Variants in GRID1 observed in about 807,000 individuals in gnomAD.
The protein encoded by GRID1 is glutamate ionotropic receptor delta type subunit 1, also known as glutamate receptor ionotropic, delta-1.
GRID1 carries 28 observed loss-of-function variants against 98.0 expected under a neutral mutation model. The observed-to-expected ratio is 0.29, with a 90% confidence interval of 0.21 to 0.39. The LOEUF (loss-of-function observed/expected upper bound fraction) is 0.39, where lower values mean the gene tolerates loss of function less well. Among genes scored for constraint, GRID1 ranks in the 10% least tolerant of loss-of-function variants. GRID1 has a pLI of 1.00. For missense variants in GRID1, 1,111 were observed against 1,340.5 expected, an observed-to-expected ratio of 0.83 and a Z score of 2.67; for synonymous variants, 553 against 538.5, an observed-to-expected ratio of 1.03 and a Z score of -0.37.
chr10:86,023,121 C>A (rs1843071686), intron 4 of GRID1, among the ~76,000 whole-genome samples: 1 of 152,048 alleles, frequency 6.6e-6, no homozygotes. Flanking sequence ...ACGCTGCCAC[C>A]TGCCACTCTG....
chr10:86,102,583 T>C (rs145921458), intron 4 of GRID1, among the ~76,000 whole-genome samples: 1,826 of 152,308 alleles, frequency 0.012, 43 homozygotes, highest in African/African-American at 0.04. Flanking sequence ...AGAATAATCA[T>C]TCTTCCTCTA....
In GRID1 at chr10:85,613,550, G is replaced by C. The variant is rs1390139205; in HGVS notation, c.2458C>G (p.Gln820Glu). The C allele has an allele frequency of 6.2e-7, 1 of 1,614,082 alleles. No individual in the cohort carries two copies. Among genetic ancestry groups the C allele is most frequent in the Non-Finnish European group, 8.5e-7 (1 of 1,180,048 alleles). Reference sequence around the variant, plus strand: ...AGCTTGAGGGATTTGCCGTCGGCCTGGGCGCTGGCATGGCTGGTGAGGTCA... The same window carrying C: ...AGCTTGAGGGATTTGCCGTCGGCCTCGGCGCTGGCATGGCTGGTGAGGTCA... ...RCDLTSHASA[Q>E]ADGKSLKLHS... Residue 820 changes from glutamine to glutamate, a missense_variant, in exon 15 of 16, where the codon CAG (glutamine) becomes GAG (glutamate). Coordinates refer to ENST00000327946, the MANE Select transcript of GRID1 (RefSeq NM_017551.3).
chr10:85,733,829 G>A (rs550207088), intron 8 of GRID1, among the ~76,000 whole-genome samples: 31 of 152,190 alleles, frequency 2.0e-4, no homozygotes, highest in Non-Finnish European at 4.1e-4. Flanking sequence ...TGGTAAAAAC[G>A]GGAGAAGACA....
At chr10:85,660,551 G>A (rs1267942445) in intron 12 of GRID1, among the ~76,000 whole-genome samples, 2 of 151,914 alleles carry the variant, frequency 1.3e-5, no homozygotes, top group Admixed American at 1.3e-4. Context: ...TGGGAGGTAA[G>A]GTGAATTCCC....
chr10:85,811,002 T>G (rs186917085), intron 8 of GRID1, among the ~76,000 whole-genome samples: 76 of 152,254 alleles, frequency 5.0e-4, no homozygotes, highest in African/African-American at 1.6e-3. Flanking sequence ...AGCCCTCAAG[T>G]TGGCTGATCC....
At chr10:86,016,987 G>A (rs1172610022) in intron 4 of GRID1, among the ~76,000 whole-genome samples, 1 of 152,202 alleles carries the variant, frequency 6.6e-6, no homozygotes, top group African/African-American at 2.4e-5. Context: ...GAGTGCTGTT[G>A]TGTGCCAATC....
At chr10:86,231,097 G>A (rs910853684) in intron 2 of GRID1, among the ~76,000 whole-genome samples, 6 of 152,190 alleles carry the variant, frequency 3.9e-5, no homozygotes, top group South Asian at 4.1e-4. Flanking sequence ...GGCCAGGGAC[G>A]GAGGGAGAAC....
intron 12 of GRID1, among the ~76,000 whole-genome samples, chr10:85,692,931 G>A (rs1841350071): frequency 6.6e-6 from 1 of 152,172 alleles, no homozygotes; most frequent in Non-Finnish European, 1.5e-5. Context: ...CTGTAAAGGT[G>A]GCTATGATCA....
At chr10:85,686,528 C>A (rs1489199460) in intron 12 of GRID1, among the ~76,000 whole-genome samples, 1 of 152,086 alleles carries the variant, frequency 6.6e-6, no homozygotes, top group African/African-American at 2.4e-5. Flanking sequence ...AATAAATGGA[C>A]TAGTCCTATA....
chr10:86,331,870 C>T lies in GRID1; in HGVS notation c.235+32071G>A, dbSNP rs146715125. Reference sequence around the variant, plus strand: ...TATTCTCCAGTGATGAGCATCCAGCCGCTGTCTCTGCCAGGTCAGACTGGG... The same window carrying T: ...TATTCTCCAGTGATGAGCATCCAGCTGCTGTCTCTGCCAGGTCAGACTGGG... On this transcript the variant is annotated intron_variant, in intron 2 of 15. Transcript: ENST00000327946. Among the ~76,000 whole-genome samples, 596 of 152,178 alleles carry T rather than the reference C, an allele frequency of 3.9e-3. 4 individuals carry two copies. The highest frequency in any genetic ancestry group is 4.1e-3 in the Non-Finnish European group (281 of 67,942).
intron 3 of GRID1, among the ~76,000 whole-genome samples, chr10:86,177,454 T>G (rs1845592316): frequency 3.3e-5 from 5 of 151,588 alleles, no homozygotes; most frequent in Admixed American, 3.3e-4. Context: ...GGTGGGTGCA[T>G]GCATTACAGA....
At chr10:86,167,507 C>A (rs186713415) in intron 3 of GRID1, among the ~76,000 whole-genome samples, 3 of 152,222 alleles carry the variant, frequency 2.0e-5, no homozygotes, top group African/African-American at 7.2e-5. Context: ...ATCAGGCAAA[C>A]GGTGCCAAGG....
At chr10:85,845,158 T>A (rs1295708336) in intron 8 of GRID1, among the ~76,000 whole-genome samples, 1 of 151,754 alleles carries the variant, frequency 6.6e-6, no homozygotes, top group Non-Finnish European at 1.5e-5. Context: ...GTTTTATTAG[T>A]CATAGATGAC....
chr10:86,083,468 C>T (rs1374897938), intron 4 of GRID1, among the ~76,000 whole-genome samples: 2 of 152,234 alleles, frequency 1.3e-5, no homozygotes, highest in Non-Finnish European at 2.9e-5. Context: ...CAGTGAATTT[C>T]GCTCCTCGCT....
chr10:85,727,559 G>A (rs1045675318), intron 10 of GRID1, among the ~76,000 whole-genome samples: 12 of 152,150 alleles, frequency 7.9e-5, no homozygotes, highest in East Asian at 5.8e-4. Context: ...CACCCTAAAC[G>A]TAGGGTAGGT....
intron 4 of GRID1, among the ~76,000 whole-genome samples, chr10:86,058,168 C>G (rs1843600292): frequency 1.3e-5 from 2 of 152,054 alleles, no homozygotes; most frequent in African/African-American, 4.8e-5. Flanking sequence ...GACCCCTGGG[C>G]CCCCCTTCCT....
chr10:85,827,977 A>C (rs1459823843), intron 8 of GRID1, among the ~76,000 whole-genome samples: 1 of 152,176 alleles, frequency 6.6e-6, no homozygotes, highest in African/African-American at 2.4e-5. Context: ...AAACAAAAGA[A>C]TATACATACT....
chr10:86,236,062 T>C (rs184023886), intron 2 of GRID1, among the ~76,000 whole-genome samples: 1 of 152,260 alleles, frequency 6.6e-6, no homozygotes, highest in Non-Finnish European at 1.5e-5. Flanking sequence ...CACTTGTTAC[T>C]GTCTTTTTTA....
chr10:86,342,242 G>A (rs368193528), intron 2 of GRID1, among the ~76,000 whole-genome samples: 4 of 152,130 alleles, frequency 2.6e-5, no homozygotes, highest in African/African-American at 9.7e-5. Flanking sequence ...CTCATGCTGC[G>A]GGCACTGCTG....
Sources: gnomAD v4.1 joint callset for allele counts (sites outside exome capture counted in the v4.1 genomes callset) on GRCh38, gnomAD v4.1.1 for gene constraint, MANE v1.5 for transcripts, NCBI Gene and HGNC (gene_info 2026-07-23, HGNC 2026-07-21) for gene names.